Variants in NALCN observed in about 807,000 individuals in gnomAD.
The protein encoded by NALCN is sodium leak channel NALCN.
A neutral mutation model predicts 225.3 loss-of-function variants in NALCN; 111 were observed. The observed-to-expected ratio is 0.49, with a 90% CI of 0.42 to 0.58. The LOEUF (loss-of-function observed/expected upper bound fraction) is 0.58. Ranked by LOEUF, NALCN falls within the 20% of genes least tolerant of loss-of-function variation. The probability of loss-of-function intolerance (pLI) is 0.00; values close to 1 mark genes in which losing one functional copy is unlikely to be tolerated. For missense variants in NALCN, 1,378 were observed against 2,202.4 expected (o/e 0.63, Z 7.49); for synonymous variants, 764 against 769.0 (o/e 0.99, Z 0.11).
intron 10 of NALCN, among the ~76,000 whole-genome samples, chr13:101,269,666 G>A (rs1184138692): frequency 6.6e-6 from 1 of 152,116 alleles, no homozygotes; most frequent in Non-Finnish European, 1.5e-5. Flanking sequence ...CAAGTAATAT[G>A]ATCTCCTATT....
At chr13:101,058,291 T>C in intron 42 of NALCN, 1 of 483,294 alleles carries the variant, frequency 2.1e-6, no homozygotes, top group South Asian at 3.0e-5. Context: ...TTGTCCTGGG[T>C]AACCCCCACT....
At chr13:101,366,713 A>G (rs1451382660) in intron 6 of NALCN, among the ~76,000 whole-genome samples, 1 of 152,232 alleles carries the variant, frequency 6.6e-6, no homozygotes, top group African/African-American at 2.4e-5. Context: ...GTATGTATAC[A>G]AGACATAATG....
intron 14 of NALCN, among the ~76,000 whole-genome samples, chr13:101,185,952 A>C (rs559106187): frequency 1.3e-5 from 2 of 152,312 alleles, no homozygotes; most frequent in Admixed American, 1.3e-4. Context: ...TTGTAAAAGG[A>C]AACATACAAT....
At chr13:101,193,442 G>A (rs2140009734) in intron 13 of NALCN, among the ~76,000 whole-genome samples, 1 of 152,226 alleles carries the variant, frequency 6.6e-6, no homozygotes, top group African/African-American at 2.4e-5. Flanking sequence ...TGAAAAAGGA[G>A]CAATTAATTG....
At chr13:101,398,973 A>G (rs2047390464) in intron 2 of NALCN, 46 bp downstream of exon 2, 1 of 1,192,300 alleles carries the variant, frequency 8.4e-7, no homozygotes, top group Non-Finnish European at 1.3e-6. Flanking sequence ...AATCACATTT[A>G]TCTCACATCC....
intron 20 of NALCN, among the ~76,000 whole-genome samples, chr13:101,110,297 T>C (rs894441875): frequency 2.0e-5 from 3 of 152,256 alleles, no homozygotes. Flanking sequence ...ATATTCAAAG[T>C]CAATGATGCA....
intron 25 of NALCN, among the ~76,000 whole-genome samples, chr13:101,103,909 T>C (rs2034961736): frequency 6.6e-6 from 1 of 152,246 alleles, no homozygotes; most frequent in Admixed American, 6.5e-5. Flanking sequence ...CACTTTAGTT[T>C]GCTTTCAGCA....
At chr13:101,175,236 A>ATT (rs35230308) in intron 15 of NALCN, among the ~76,000 whole-genome samples, 2 of 149,316 alleles carry the variant, frequency 1.3e-5, no homozygotes, top group Non-Finnish European at 3.0e-5. Flanking sequence ...CTTCATAACA[A>ATT]TTTTTTTTTG....
intron 13 of NALCN, among the ~76,000 whole-genome samples, chr13:101,213,183 A>G (rs1478186549): frequency 6.6e-6 from 1 of 152,170 alleles, no homozygotes; most frequent in African/African-American, 2.4e-5. Context: ...CCTGACAAAA[A>G]CAAGAAATGG....
intron 15 of NALCN, among the ~76,000 whole-genome samples, chr13:101,173,430 C>A (rs901195397): frequency 1.3e-5 from 2 of 152,122 alleles, no homozygotes; most frequent in African/African-American, 4.8e-5. Context: ...CTAGCTCCGA[C>A]ATTTGTTGGC....
chr13:101,074,021 A>ATACTT (rs2033087389), intron 36 of NALCN, among the ~76,000 whole-genome samples: 1 of 152,110 alleles, frequency 6.6e-6, no homozygotes, highest in Admixed American at 6.5e-5. Flanking sequence ...ATATCGGTAT[A>ATACTT]TACTTTGTTG....
chr13:101,307,417 C>A (rs1292424416), intron 7 of NALCN, among the ~76,000 whole-genome samples: 1 of 152,198 alleles, frequency 6.6e-6, no homozygotes, highest in African/African-American at 2.4e-5. Context: ...GTTCTTATCA[C>A]TCTTACATTA....
At chr13:101,083,868 G>C in intron 30 of NALCN, 64 bp from the exon 31 acceptor site, 1 of 1,484,992 alleles carries the variant, frequency 6.7e-7, no homozygotes, top group Non-Finnish European at 9.3e-7. Context: ...GAACATGGCA[G>C]ATGGGGTGCC....
intron 18 of NALCN, among the ~76,000 whole-genome samples, chr13:101,113,473 T>A (rs375396376): frequency 1.3e-5 from 2 of 152,162 alleles, no homozygotes; most frequent in South Asian, 4.2e-4. Flanking sequence ...AAAATAACAG[T>A]GTTGGCAGAA....
At chr13:101,177,702 A>G (rs1400638236) in intron 14 of NALCN, among the ~76,000 whole-genome samples, 1 of 151,994 alleles carries the variant, frequency 6.6e-6, no homozygotes, top group Non-Finnish European at 1.5e-5. Context: ...TATTCACTTG[A>G]TCATCTTTTT....
intron 20 of NALCN, among the ~76,000 whole-genome samples, chr13:101,108,293 C>T (rs963059781): frequency 6.6e-6 from 1 of 152,022 alleles, no homozygotes; most frequent in Non-Finnish European, 1.5e-5. Context: ...TCATTCAGCA[C>T]ATATTGATTG....
At chr13:101,323,907 C>T (rs938007693) in intron 7 of NALCN, among the ~76,000 whole-genome samples, 15 of 152,048 alleles carry the variant, frequency 9.9e-5, no homozygotes, top group Non-Finnish European at 5.9e-5. Flanking sequence ...TTTTCTTCTG[C>T]CATTTTGTTG....
At chr13:101,231,876 G>T (rs754718187) in intron 12 of NALCN, among the ~76,000 whole-genome samples, 11 of 151,980 alleles carry the variant, frequency 7.2e-5, no homozygotes, top group Admixed American at 2.0e-4. Context: ...CCCAGCCTTA[G>T]TACAAAGGTG....
rs534049238 is a variant in NALCN at position 101,082,722 on chromosome 13, G to A, written c.3765+87C>T. On this transcript the variant is annotated intron_variant, in intron 33 of 43. Coordinates refer to ENST00000251127, the MANE Select transcript of NALCN (RefSeq NM_052867.4). ...CTTCAAAGGCAATGGAACACAGAGAGGAGAGTAAGTGGCATCAAAGAGGGA... is the reference window on the plus strand; with the variant it reads ...CTTCAAAGGCAATGGAACACAGAGAAGAGAGTAAGTGGCATCAAAGAGGGA... 3.1e-5 allele frequency: 41 copies of A among 1,329,772 alleles called. No homozygotes were observed. The East Asian group carries it at 9.0e-4, about 29-fold the overall frequency. 82.4% of individuals were successfully genotyped at this position (1,329,772 alleles called of 1,614,324 possible).
Sources: gnomAD v4.1 joint callset for allele counts (sites outside exome capture counted in the v4.1 genomes callset) on GRCh38, gnomAD v4.1.1 for gene constraint, MANE v1.5 for transcripts, NCBI Gene and HGNC (gene_info 2026-07-23, HGNC 2026-07-21) for gene names.